LRRC31: variants seen among roughly 807,000 people sequenced by gnomAD.
The protein encoded by LRRC31 is leucine-rich repeat-containing protein 31.
In LRRC31, 35 loss-of-function variants were observed where a neutral mutation model predicts 46.7. That is an observed-to-expected ratio of 0.75 (90% confidence interval 0.57 to 0.99). The LOEUF (loss-of-function observed/expected upper bound fraction) is 0.99, where lower values mean the gene tolerates loss of function less well. Ranked by LOEUF, LRRC31 falls within the 50% of genes least tolerant of loss-of-function variation. The pLI is 0.00. For missense variants in LRRC31, 613 were observed against 626.1 expected (o/e 0.98, Z 0.22); for synonymous variants, 236 against 235.1 (o/e 1.00, Z -0.03).
At chr3:169,858,806 C>A (rs2108219937) in intron 3 of LRRC31, among the ~76,000 whole-genome samples, 1 of 152,130 alleles carries the variant, frequency 6.6e-6, no homozygotes, top group Admixed American at 6.5e-5. Context: ...GAGTTCAAAA[C>A]CAGCCTGGCC....
At chr3:169,841,362 T>C (rs564792690) in intron 8 of LRRC31, among the ~76,000 whole-genome samples, 1 of 152,220 alleles carries the variant, frequency 6.6e-6, no homozygotes, top group Non-Finnish European at 1.5e-5. Context: ...GGTCTTTCAG[T>C]CTTTCCTCAC....
chr3:169,867,037 G>GT, intron 1 of LRRC31, among the ~76,000 whole-genome samples: 1 of 133,624 alleles, frequency 7.5e-6, no homozygotes, highest in Admixed American at 6.9e-5. Context: ...ATTGGCCATG[G>GT]GTTTTTTTTG....
chr3:169,856,320 G>T lies in LRRC31; in HGVS notation c.823+16C>A. The T allele has an allele frequency of 1.3e-6, 2 of 1,505,672 alleles. No homozygotes were observed. Among genetic ancestry groups the T allele is most frequent in the Middle Eastern group, 1.8e-4 (1 of 5,676 alleles). The allele number at this position is 1,505,672 out of a possible 1,614,324, so 93.3% of individuals were successfully genotyped here. ...AATTATACATGTAATCTTAAATCCA[G>T]CCATTGTTAACTCACCCAATATTTT... On this transcript the variant is annotated intron_variant, in intron 5 of 8. Coordinates refer to ENST00000316428, the MANE Select transcript of LRRC31 (RefSeq NM_024727.4).
Position 169,850,615 on chromosome 3 carries a change from G to A in LRRC31, c.1159+1004C>T, listed in dbSNP as rs531837228. ...ATCAAATCCTGCCTCTGGCTCTTATGACCTTGGGTTACCTCATGTACTTAA... is the reference window on the plus strand; with the variant it reads ...ATCAAATCCTGCCTCTGGCTCTTATAACCTTGGGTTACCTCATGTACTTAA... On this transcript the variant is annotated intron_variant, in intron 7 of 8. Transcript: ENST00000316428. 2.0e-5 allele frequency among the ~76,000 whole-genome samples: 3 copies of A among 152,294 alleles called. No homozygotes were observed. The South Asian group carries it at 6.2e-4, about 32-fold the overall frequency.
intron 3 of LRRC31, among the ~76,000 whole-genome samples, chr3:169,857,341 T>TACACAC (rs1227486934): frequency 7.3e-5 from 8 of 110,114 alleles, no homozygotes; most frequent in African/African-American, 2.7e-4. Context: ...TATATATATA[T>TACACAC]ATATACACAC....
intron 1 of LRRC31, among the ~76,000 whole-genome samples, chr3:169,862,270 C>T (rs963156415): frequency 3.3e-5 from 5 of 152,166 alleles, no homozygotes; most frequent in African/African-American, 9.7e-5. Flanking sequence ...AATGGCCACA[C>T]GGAGTAAGTG....
chr3:169,857,123 T>C (rs1431497097), intron 3 of LRRC31, among the ~76,000 whole-genome samples: 1 of 151,618 alleles, frequency 6.6e-6, no homozygotes, highest in Non-Finnish European at 1.5e-5. Context: ...TAAACAATTG[T>C]TGTTGTAGAA....
chr3:169,848,669 G>A (rs1440696262), intron 7 of LRRC31, among the ~76,000 whole-genome samples: 1 of 152,206 alleles, frequency 6.6e-6, no homozygotes, highest in African/African-American at 2.4e-5. Flanking sequence ...ATGTTGCCCA[G>A]GATGGTCTCG....
At chr3:169,850,117 T>C (rs921432465) in intron 7 of LRRC31, among the ~76,000 whole-genome samples, 1 of 152,186 alleles carries the variant, frequency 6.6e-6, no homozygotes, top group Non-Finnish European at 1.5e-5. Context: ...TGAATTGTAC[T>C]GTCCACCAGA....
chr3:169,851,582 T>C, intron 7 of LRRC31, 37 bp downstream of exon 7: 2 of 1,582,954 alleles, frequency 1.3e-6, no homozygotes, highest in East Asian at 4.5e-5. Flanking sequence ...TCGCACATTA[T>C]TGCATGGTTC....
intron 1 of LRRC31, among the ~76,000 whole-genome samples, chr3:169,862,882 CT>C (rs1225591112): frequency 1.4e-3 from 202 of 143,280 alleles, no homozygotes; most frequent in African/African-American, 2.0e-3. Flanking sequence ...TTTTTTCTTT[CT>C]TTTTTTTTTT....
chr3:169,844,345 T>A (rs561930253), intron 8 of LRRC31, among the ~76,000 whole-genome samples: 40 of 152,328 alleles, frequency 2.6e-4, no homozygotes, highest in African/African-American at 9.4e-4. Flanking sequence ...ATTAATGAAC[T>A]ATAGTTTTTT....
In LRRC31 at chr3:169,857,415, C is replaced by CATATATATATATATATATATATAT. The variant is rs1553924970; in HGVS notation, c.488-544_488-543insATATATATATATATATATATATAT. Among the ~76,000 whole-genome samples the CATATATATATATATATATATATAT allele has an allele frequency of 2.0e-3, 197 of 98,664 alleles. 1 individual carries two copies. The highest frequency in any genetic ancestry group is 6.3e-3 in the African/African-American group (174 of 27,616). The allele number at this position is 98,664 out of a possible 152,430, so 64.7% of individuals were successfully genotyped here. On this transcript the variant is annotated intron_variant, in intron 3 of 8. Transcript: ENST00000316428. The stretch of plus-strand genomic sequence containing the variant: ...ATACATACACACACATATACATATA[C>CATATATATATATATATATATATAT]ATATATATATATATGAGGAATATCA...
intron 4 of LRRC31, 72 bp from the exon 5 acceptor site, chr3:169,856,575 C>T (rs921305073): frequency 3.7e-6 from 5 of 1,339,340 alleles, no homozygotes; most frequent in Non-Finnish European, 5.0e-6. Context: ...CTGGGGATAT[C>T]GTGACGTAAA....
At position 169,860,577 on chromosome 3, in the gene LRRC31, G is replaced by A; in HGVS notation, c.471C>T (p.Asp157=). 6.2e-7 allele frequency: 1 copy of A among 1,614,040 alleles called. No individual in the cohort carries two copies. Among genetic ancestry groups the A allele is most frequent in the East Asian group, 2.2e-5 (1 of 44,868 alleles). ...TCATCATACCCAGTGCTTGAACATC[G>A]TCAGTGGTGAGTCTGCAGCTACCCA... is the stretch of plus-strand genomic sequence containing the variant. The part of the protein sequence containing the change: ...LRLGSCRLTT[D]DVQALGEAFE... The change falls in exon 3 of 9, where the codon GAC becomes GAT. Residue 157 remains aspartate (D), a synonymous_variant. Coordinates refer to ENST00000316428, the MANE Select transcript of LRRC31 (RefSeq NM_024727.4).
intron 8 of LRRC31, among the ~76,000 whole-genome samples, chr3:169,845,173 A>G (rs1243773274): frequency 6.6e-6 from 1 of 152,184 alleles, no homozygotes; most frequent in East Asian, 1.9e-4. Context: ...TAAATTTAAC[A>G]AAATATAAAA....
At chr3:169,861,518 C>CAAAA in intron 2 of LRRC31, 152 bp downstream of exon 2, 6 of 608,630 alleles carry the variant, frequency 9.9e-6, no homozygotes, top group East Asian at 6.6e-5. Flanking sequence ...GACTCCGTCT[C>CAAAA]AAAAAAAAAA....
At chr3:169,860,372 A>C (rs6790213) in intron 3 of LRRC31, among the ~76,000 whole-genome samples, 189 bp downstream of exon 3, 68,971 of 150,794 alleles carry the variant, frequency 0.46, 16,338 homozygotes, top group East Asian at 0.76. Flanking sequence ...GGACTACAGG[A>C]GCCCACCACC....
At chr3:169,858,238 T>C (rs1430825449) in intron 3 of LRRC31, among the ~76,000 whole-genome samples, 1 of 152,098 alleles carries the variant, frequency 6.6e-6, no homozygotes, top group Non-Finnish European at 1.5e-5. Flanking sequence ...AAGAAATAAC[T>C]CTGGGAGAGG....
Sources: gnomAD v4.1 joint callset for allele counts (sites outside exome capture counted in the v4.1 genomes callset) on GRCh38, gnomAD v4.1.1 for gene constraint, MANE v1.5 for transcripts, NCBI Gene and HGNC (gene_info 2026-07-23, HGNC 2026-07-21) for gene names.